Variants in FHIT observed in about 807,000 individuals in gnomAD.
The protein encoded by FHIT is fragile histidine triad diadenosine triphosphatase, also known as bis(5'-adenosyl)-triphosphatase.
A neutral mutation model predicts 17.9 loss-of-function variants in FHIT; 19 were observed. That is an observed-to-expected ratio of 1.06 (90% CI 0.74 to 1.56). The LOEUF (loss-of-function observed/expected upper bound fraction) is 1.56. FHIT is among the 40% of genes most tolerant of loss of function. The pLI, the probability that FHIT is intolerant of heterozygous loss-of-function variation, is 0.00. For missense variants in FHIT, 248 were observed against 189.2 expected, an observed-to-expected ratio of 1.31 and a Z score of -1.82; for synonymous variants, 81 against 69.7, an observed-to-expected ratio of 1.16 and a Z score of -0.81.
At chr3:59,753,898 T>G (rs1666058) in intron 8 of FHIT, among the ~76,000 whole-genome samples, 9,714 of 152,168 alleles carry the variant, frequency 0.064, 1,076 homozygotes, top group African/African-American at 0.22. Context: ...ACAGTGTCCC[T>G]AAAGAGCATC....
intron 5 of FHIT, among the ~76,000 whole-genome samples, chr3:60,348,703 C>T (rs906209780): frequency 1.3e-5 from 2 of 152,210 alleles, no homozygotes; most frequent in African/African-American, 4.8e-5. Flanking sequence ...TGCATCCTGA[C>T]TCACCTTTGG....
At chr3:59,851,348 A>G (rs1056683951) in intron 8 of FHIT, among the ~76,000 whole-genome samples, 3 of 152,228 alleles carry the variant, frequency 2.0e-5, no homozygotes, top group African/African-American at 7.2e-5. Context: ...TATGCAGAGC[A>G]TTTCTTATGT....
intron 4 of FHIT, among the ~76,000 whole-genome samples, chr3:60,746,076 A>G (rs937463289): frequency 1.3e-5 from 2 of 152,222 alleles, no homozygotes; most frequent in Admixed American, 6.5e-5. Context: ...TTAGCACTGC[A>G]CCTGATTTTT....
chr3:60,356,935 T>C (rs867055828), intron 5 of FHIT, among the ~76,000 whole-genome samples: 4 of 152,126 alleles, frequency 2.6e-5, no homozygotes, highest in Non-Finnish European at 4.4e-5. Flanking sequence ...TTACATGTCA[T>C]AGATCAATAC....
At chr3:60,119,012 C>A (rs1006515663) in intron 5 of FHIT, among the ~76,000 whole-genome samples, 1 of 146,972 alleles carries the variant, frequency 6.8e-6, no homozygotes, top group Admixed American at 6.7e-5. Flanking sequence ...CAGAGGAAGG[C>A]TCCATCTCAA....
intron 2 of FHIT, among the ~76,000 whole-genome samples, chr3:61,186,366 C>G (rs1186402358): frequency 1.3e-5 from 2 of 152,178 alleles, no homozygotes; most frequent in African/African-American, 4.8e-5. Flanking sequence ...TGCCCTGGGC[C>G]ACAGGTGACT....
At chr3:59,977,014 G>A (rs1559513957) in intron 7 of FHIT, among the ~76,000 whole-genome samples, 2 of 152,082 alleles carry the variant, frequency 1.3e-5, no homozygotes, top group Non-Finnish European at 2.9e-5. Context: ...GGGTGGATCA[G>A]GCAGTGGGGG....
chr3:60,478,682 C>A lies in FHIT; in HGVS notation c.103+58178G>T, dbSNP rs186032616. Reference sequence around the variant, plus strand: ...TTATGATACAGTCATTACATATAACCTTTTTCTCCCACTATATTGCATGCT... The same window carrying A: ...TTATGATACAGTCATTACATATAACATTTTTCTCCCACTATATTGCATGCT... On this transcript the variant is annotated intron_variant, in intron 5 of 9. Coordinates refer to ENST00000492590, the MANE Select transcript of FHIT (RefSeq NM_002012.4). 3.3e-5 allele frequency among the ~76,000 whole-genome samples: 5 copies of A among 152,294 alleles called. No homozygotes were observed. In the East Asian group the frequency reaches 9.6e-4, roughly 29 times the overall value.
At chr3:60,934,762 C>A (rs1708114477) in intron 3 of FHIT, among the ~76,000 whole-genome samples, 2 of 152,082 alleles carry the variant, frequency 1.3e-5, no homozygotes, top group South Asian at 4.1e-4. Flanking sequence ...ATCTCTGCCT[C>A]CAGCTTTGAG....
chr3:60,609,482 C>T (rs2038716724), intron 4 of FHIT, among the ~76,000 whole-genome samples: 1 of 152,172 alleles, frequency 6.6e-6, no homozygotes, highest in African/African-American at 2.4e-5. Context: ...TGTGCCACCA[C>T]ACCCAGCTAA....
chr3:60,791,907 A>G (rs1433613430), intron 4 of FHIT, among the ~76,000 whole-genome samples: 1 of 152,242 alleles, frequency 6.6e-6, no homozygotes, highest in African/African-American at 2.4e-5. Context: ...AAGGAGGGGA[A>G]GTGGAAGGTA....
chr3:59,788,881 G>GTTTTTTTTTTTTTTTTTTTTTTTTTTTT lies in FHIT; in HGVS notation c.349-36561_349-36560insAAAAAAAAAAAAAAAAAAAAAAAAAAAA, dbSNP rs60361063. Among the ~76,000 whole-genome samples the GTTTTTTTTTTTTTTTTTTTTTTTTTTTT allele has an allele frequency of 1.6e-4, 14 of 86,834 alleles. 5 individuals are homozygous for GTTTTTTTTTTTTTTTTTTTTTTTTTTTT. Among genetic ancestry groups the GTTTTTTTTTTTTTTTTTTTTTTTTTTTT allele is most frequent in the South Asian group, 9.3e-4 (2 of 2,158 alleles). The allele number at this position is 86,834 out of a possible 152,430, so 57.0% of individuals were successfully genotyped here. A position where few individuals can be genotyped will look rare whatever the true frequency, so the allele number is the denominator to read the frequency against. On this transcript the variant is annotated intron_variant, in intron 8 of 9. Coordinates refer to ENST00000492590, the MANE Select transcript of FHIT (RefSeq NM_002012.4). ...ACCACGTTCTTTGCTGAGTTCATATGTTTTTTTTTTTTACCCCATCTCCAA... is the reference window on the plus strand; with the variant it reads ...ACCACGTTCTTTGCTGAGTTCATATGTTTTTTTTTTTTTTTTTTTTTTTTTTTTTTTTTTTTTTTTACCCCATCTCCAA...
At chr3:61,002,675 G>A (rs78383466) in intron 3 of FHIT, among the ~76,000 whole-genome samples, 5,827 of 152,140 alleles carry the variant, frequency 0.038, 365 homozygotes, top group African/African-American at 0.13. Context: ...AAAAATTAAA[G>A]TTTGTTTCTT....
Position 60,861,905 on chromosome 3 carries a change from G to A in FHIT, c.-110-39894C>T, listed in dbSNP as rs1028098305. Among the ~76,000 whole-genome samples the A allele has an allele frequency of 8.8e-5, 13 of 147,170 alleles. No individual in the cohort carries two copies. In the East Asian group the frequency reaches 1.4e-3, roughly 16 times the overall value. On this transcript the variant is annotated intron_variant, in intron 3 of 9. Coordinates refer to ENST00000492590, the MANE Select transcript of FHIT (RefSeq NM_002012.4). ...GTGGAGCTTGCAGTGAGCTGAGATC[G>A]CGCCACTGCACTGGGCAACAGACCA...
chr3:60,558,874 A>C (rs913955474), intron 4 of FHIT, among the ~76,000 whole-genome samples: 4 of 152,232 alleles, frequency 2.6e-5, no homozygotes, highest in East Asian at 1.9e-4. Context: ...TGACCCAGGG[A>C]AACTTTTCAT....
chr3:60,850,921 C>T (rs1298190046), intron 3 of FHIT, among the ~76,000 whole-genome samples: 1 of 152,144 alleles, frequency 6.6e-6, no homozygotes, highest in East Asian at 1.9e-4. Flanking sequence ...AATGTCCCCA[C>T]ATACCTATAA....
At chr3:60,245,018 A>G (rs1342664338) in intron 5 of FHIT, among the ~76,000 whole-genome samples, 1 of 152,018 alleles carries the variant, frequency 6.6e-6, no homozygotes, top group Non-Finnish European at 1.5e-5. Context: ...AATTGTGTTT[A>G]GCGGCAGCAG....
At chr3:60,399,952 T>C (rs1186576651) in intron 5 of FHIT, among the ~76,000 whole-genome samples, 1 of 152,154 alleles carries the variant, frequency 6.6e-6, no homozygotes, top group Non-Finnish European at 1.5e-5. Flanking sequence ...GAGTATCCTC[T>C]TGCTCCCAGC....
intron 7 of FHIT, among the ~76,000 whole-genome samples, chr3:59,983,555 T>C (rs13092997): frequency 0.35 from 53,461 of 152,012 alleles, 10,537 homozygotes; most frequent in East Asian, 0.53. Flanking sequence ...ACTATGTACA[T>C]ATAGGAAAAA....
Sources: allele counts gnomAD v4.1 joint callset (sites outside exome capture counted in the v4.1 genomes callset), GRCh38; gene constraint gnomAD v4.1.1; transcripts MANE v1.5; gene names NCBI Gene and HGNC (gene_info 2026-07-23, HGNC 2026-07-21).